CDC25A: variants seen among roughly 807,000 people sequenced by gnomAD.
CDC25A encodes M-phase inducer phosphatase 1.
CDC25A carries 17 observed loss-of-function variants against 64.6 expected under a neutral mutation model. The observed-to-expected ratio is 0.26, with a 90% CI of 0.18 to 0.39. The LOEUF (loss-of-function observed/expected upper bound fraction) is 0.39. CDC25A is among the 10% of genes least tolerant of loss of function. The probability of loss-of-function intolerance (pLI) is 1.00; values close to 1 mark genes in which losing one functional copy is unlikely to be tolerated. For missense variants in CDC25A, 473 were observed against 654.8 expected, an observed-to-expected ratio of 0.72 and a Z score of 3.03; for synonymous variants, 229 against 238.6, an observed-to-expected ratio of 0.96 and a Z score of 0.37.
chr3:48,186,588 G>GT (rs1191624257), intron 2 of CDC25A, 115 bp downstream of exon 2: 1 of 490,588 alleles, frequency 2.0e-6, no homozygotes, highest in East Asian at 4.0e-5. Context: ...AAAAAAAAAA[G>GT]TTTATCACCC....
At chr3:48,168,360 C>CCACACACACACACA (rs58104019) in intron 9 of CDC25A, among the ~76,000 whole-genome samples, 1,397 of 106,554 alleles carry the variant, frequency 0.013, 26 homozygotes, top group East Asian at 0.027. Context: ...AAGACCCTGT[C>CCACACACACACACA]CACACACACA....
At chr3:48,181,579 C>G (rs1006183594) in intron 5 of CDC25A, 1 of 1,563,508 alleles carries the variant, frequency 6.4e-7, no homozygotes, top group African/African-American at 1.4e-5. Context: ...TTGTGCGGGA[C>G]CACTGGGTTC....
intron 9 of CDC25A, among the ~76,000 whole-genome samples, chr3:48,173,204 C>A (rs1254450671): frequency 1.5e-5 from 2 of 133,036 alleles, no homozygotes; most frequent in Non-Finnish European, 3.1e-5. Flanking sequence ...GGCGACAGAG[C>A]GTCTCAAAAA....
chr3:48,183,954 G>C (rs2032757815), intron 3 of CDC25A, 118 bp from the exon 4 acceptor site: 1 of 577,438 alleles, frequency 1.7e-6, no homozygotes, highest in African/African-American at 1.9e-5. Flanking sequence ...TCCCATTTTA[G>C]GCAAGAGATG....
At chr3:48,181,823 T>C in intron 5 of CDC25A, 1 of 612,572 alleles carries the variant, frequency 1.6e-6, no homozygotes, top group East Asian at 2.8e-5. Context: ...ATGGCTAATA[T>C]TACAGTGATT....
chr3:48,165,166 G>A (rs3731548), intron 12 of CDC25A, among the ~76,000 whole-genome samples: 141 of 149,002 alleles, frequency 9.5e-4, no homozygotes, highest in African/African-American at 3.3e-3. Context: ...TCTTGGGAAC[G>A]TGTGTCCCAA....
rs771688958 is a variant in CDC25A at position 48,180,702 on chromosome 3, T to C, written c.549+19A>G. On this transcript the variant is annotated intron_variant, in intron 6 of 14. Coordinates refer to ENST00000302506, the MANE Select transcript of CDC25A (RefSeq NM_001789.3). ...TTTCTTCCTGTCAGGAATTCCCCTA[T>C]GAAAGCCAGAGCACATACCATCCGA... 9.9e-6 allele frequency: 16 copies of C among 1,611,204 alleles called. No homozygotes were observed. Among genetic ancestry groups the C allele is most frequent in the Non-Finnish European group, 8.5e-6 (10 of 1,178,368 alleles).
At chr3:48,179,017 A>G (rs1261672290) in intron 6 of CDC25A, among the ~76,000 whole-genome samples, 1 of 152,168 alleles carries the variant, frequency 6.6e-6, no homozygotes, top group Non-Finnish European at 1.5e-5. Flanking sequence ...ATCTGTTGTT[A>G]GTTAAGTGGC....
At chr3:48,181,739 T>TTA in intron 5 of CDC25A, 1 of 746,828 alleles carries the variant, frequency 1.3e-6, no homozygotes, top group African/African-American at 1.7e-5. Flanking sequence ...ACTGGCTGAA[T>TTA]TATAGAATGT....
In CDC25A at chr3:48,187,951, G is replaced by T. The variant is rs2032910283; in HGVS notation, c.-4C>A. 2 of 1,483,536 alleles carry T rather than the reference G, an allele frequency of 1.3e-6. No homozygotes were observed. Among genetic ancestry groups the T allele is most frequent in the South Asian group, 1.3e-5 (1 of 76,956 alleles). The allele number at this position is 1,483,536 out of a possible 1,614,324, so 91.9% of individuals were successfully genotyped here. On this transcript the variant is annotated 5_prime_UTR_variant, in exon 1 of 15. Transcript: ENST00000302506. ...GGGGCTCCGGGCCCAGTTCCATGGC[G>T]GCGCCCGGCCTCGCAGAGCTCCCGC...
chr3:48,170,193 G>A (rs942572782), intron 9 of CDC25A, among the ~76,000 whole-genome samples: 1 of 152,194 alleles, frequency 6.6e-6, no homozygotes, highest in Non-Finnish European at 1.5e-5. Flanking sequence ...AAGCAAGCAA[G>A]CAAGCAGTTC....
Position 48,158,893 on chromosome 3 carries a change from G to A in CDC25A, c.*52C>T. 3 of 1,607,166 alleles carry A rather than the reference G, an allele frequency of 1.9e-6. No individual in the cohort carries two copies. Among genetic ancestry groups the A allele is most frequent in the Non-Finnish European group, 1.7e-6 (2 of 1,175,980 alleles). ...CTTAAGTTTCTCTGCAGCAAAGAGGGTAAAGGGGGATGGAGGGAAGCTTGG... is the reference window on the plus strand; with the variant it reads ...CTTAAGTTTCTCTGCAGCAAAGAGGATAAAGGGGGATGGAGGGAAGCTTGG... On this transcript the variant is annotated 3_prime_UTR_variant, in exon 15 of 15. Coordinates refer to ENST00000302506, the MANE Select transcript of CDC25A (RefSeq NM_001789.3).
At chr3:48,184,822 C>G in intron 2 of CDC25A, 127 bp from the exon 3 acceptor site, 1 of 651,960 alleles carries the variant, frequency 1.5e-6, no homozygotes, top group Non-Finnish European at 2.6e-6. Flanking sequence ...ATGGCTTGTA[C>G]TTTTGCCAGA....
chr3:48,166,234 G>A (rs1375947359), intron 10 of CDC25A, among the ~76,000 whole-genome samples: 1 of 152,172 alleles, frequency 6.6e-6, no homozygotes, highest in African/African-American at 2.4e-5. Flanking sequence ...AGTGAGCTGA[G>A]ATTGCACCAC....
At chr3:48,159,497 A>T in intron 13 of CDC25A, 42 bp from the exon 14 acceptor site, 1 of 1,389,008 alleles carries the variant, frequency 7.2e-7, no homozygotes, top group Non-Finnish European at 1.0e-6. Flanking sequence ...TAGCTTTTCC[A>T]GCACAGCAAC....
At chr3:48,172,942 G>A (rs2032322323) in intron 9 of CDC25A, among the ~76,000 whole-genome samples, 1 of 152,136 alleles carries the variant, frequency 6.6e-6, no homozygotes, top group African/African-American at 2.4e-5. Flanking sequence ...AGACAGGGCT[G>A]GGCGCAGTGG....
rs1350942382 is a variant in CDC25A at position 48,167,846 on chromosome 3, C to T, written c.1029G>A (p.Lys343=). Residue 343 remains lysine, a splice_region_variant and synonymous_variant, in exon 10 of 15, where the codon AAG becomes AAA. Coordinates refer to ENST00000302506, the MANE Select transcript of CDC25A (RefSeq NM_001789.3). ...CCAGAGCAGCTCTGCTTGCAATTAC[C>T]TTGGAGAAGTCTCCTATAAGGTCCC... ...DPRDLIGDFS[K]GYLFHTVAGK... is the part of the protein sequence containing the mutation. 6.5e-7 allele frequency: 1 copy of T among 1,533,078 alleles called. No individual in the cohort carries two copies. Among genetic ancestry groups the T allele is most frequent in the Non-Finnish European group, 9.0e-7 (1 of 1,106,192 alleles). 95.0% of individuals were successfully genotyped at this position (1,533,078 alleles called of 1,614,324 possible). A position where few individuals can be genotyped will look rare whatever the true frequency, so the allele number is the denominator to read the frequency against.
intron 5 of CDC25A, chr3:48,181,466 T>G: frequency 1.4e-6 from 1 of 698,256 alleles, no homozygotes; most frequent in Non-Finnish European, 2.6e-6. Flanking sequence ...TTAAAAGCAG[T>G]AATGGCTAGC....
chr3:48,181,872 A>G lies in CDC25A; in HGVS notation c.430-1032T>C. 2 of 535,608 alleles carry G rather than the reference A, an allele frequency of 3.7e-6. 1 individual carries two copies. Among genetic ancestry groups the G allele is most frequent in the South Asian group, 4.7e-5 (2 of 42,124 alleles). 33.2% of individuals were successfully genotyped at this position (535,608 alleles called of 1,614,324 possible). On this transcript the variant is annotated intron_variant, in intron 5 of 14. Transcript: ENST00000302506. Reference sequence around the variant, plus strand: ...AGTACTAAGTACTTTCTGTGCATTAACTTTTTAACCATCAAATACAACCTG... The same window carrying G: ...AGTACTAAGTACTTTCTGTGCATTAGCTTTTTAACCATCAAATACAACCTG...
Sources: gnomAD v4.1 joint callset for allele counts (sites outside exome capture counted in the v4.1 genomes callset) on GRCh38, gnomAD v4.1.1 for gene constraint, MANE v1.5 for transcripts, NCBI Gene and HGNC (gene_info 2026-07-23, HGNC 2026-07-21) for gene names.